The following PPP1R14C variants were observed in gnomAD, a reference collection of about 807,000 sequenced individuals.
The protein encoded by PPP1R14C is protein phosphatase 1 regulatory inhibitor subunit 14C.
A neutral mutation model predicts 20.4 loss-of-function variants in PPP1R14C; 16 were observed. The ratio of observed to expected loss-of-function variants is 0.78; its 90% CI spans 0.53 to 1.19. The LOEUF is 1.19. PPP1R14C is among the 50% of genes most tolerant of loss of function. The pLI, the probability that PPP1R14C is intolerant of heterozygous loss-of-function variation, is 0.00. For synonymous variants in PPP1R14C, 91 were observed against 91.0 expected, an observed-to-expected ratio of 1.00 and a Z score of 0.00; for missense variants, 211 against 220.1, an observed-to-expected ratio of 0.96 and a Z score of 0.26.
At chr6:150,224,774 C>G (rs1778212071) in intron 3 of PPP1R14C, among the ~76,000 whole-genome samples, 1 of 152,178 alleles carries the variant, frequency 6.6e-6, no homozygotes, top group Non-Finnish European at 1.5e-5. Flanking sequence ...AATGCTTGCT[C>G]TGTCTCTTCA....
intron 1 of PPP1R14C, among the ~76,000 whole-genome samples, chr6:150,167,973 T>TCCTTCTCTCCTCCCCCTTTCTCC (rs1777446319): frequency 6.0e-4 from 17 of 28,202 alleles, no homozygotes; most frequent in East Asian, 1.2e-3. Context: ...CCTCTTTCTC[T>TCCTTCTCTCCTCCCCCTTTCTCC]CCTTCTCTCC....
chr6:150,199,433 A>C (rs771801402), intron 1 of PPP1R14C, among the ~76,000 whole-genome samples: 1 of 152,098 alleles, frequency 6.6e-6, no homozygotes, highest in Non-Finnish European at 1.5e-5. Flanking sequence ...GCAGCATTCC[A>C]TTTCACCTTC....
At chr6:150,187,528 C>A (rs895826714) in intron 1 of PPP1R14C, among the ~76,000 whole-genome samples, 2 of 152,032 alleles carry the variant, frequency 1.3e-5, no homozygotes, top group African/African-American at 4.8e-5. Flanking sequence ...TTAGCTTCTA[C>A]TTTTGGGAAT....
At chr6:150,248,029 G>A (rs558813708) in intron 3 of PPP1R14C, among the ~76,000 whole-genome samples, 17 of 152,248 alleles carry the variant, frequency 1.1e-4, no homozygotes, top group Admixed American at 3.3e-4. Context: ...TTTTTGCTGC[G>A]TCATGTCATG....
intron 1 of PPP1R14C, among the ~76,000 whole-genome samples, chr6:150,157,726 G>A (rs1246502044): frequency 6.6e-6 from 1 of 152,130 alleles, no homozygotes; most frequent in Non-Finnish European, 1.5e-5. Flanking sequence ...AACAGACCCT[G>A]CCCTGGAGGG....
intron 3 of PPP1R14C, among the ~76,000 whole-genome samples, chr6:150,226,905 C>T (rs1483715191): frequency 6.6e-6 from 1 of 152,084 alleles, no homozygotes; most frequent in Non-Finnish European, 1.5e-5. Context: ...ACCAGAAAGC[C>T]ATGTGTGATC....
At chr6:150,194,870 A>C (rs1429369973) in intron 1 of PPP1R14C, 1 of 985,276 alleles carries the variant, frequency 1.0e-6, no homozygotes, top group Admixed American at 6.1e-5. Flanking sequence ...TGTTGAATAC[A>C]ATTATTGACA....
At chr6:150,195,256 GT>G in intron 1 of PPP1R14C, 2 of 718,728 alleles carry the variant, frequency 2.8e-6, no homozygotes, top group Non-Finnish European at 3.4e-6. Flanking sequence ...TGGATACCAT[GT>G]TATACATGGG....
chr6:150,211,412 C>A (rs1330161730), intron 1 of PPP1R14C, among the ~76,000 whole-genome samples: 1 of 152,170 alleles, frequency 6.6e-6, no homozygotes, highest in South Asian at 2.1e-4. Context: ...GCTGTGAAGA[C>A]AGTTGTTTCA....
intron 3 of PPP1R14C, among the ~76,000 whole-genome samples, chr6:150,242,794 A>G (rs1778447933): frequency 1.3e-5 from 2 of 152,198 alleles, no homozygotes; most frequent in African/African-American, 4.8e-5. Context: ...CTGTGTAGAA[A>G]ATTCAATAGA....
intron 1 of PPP1R14C, among the ~76,000 whole-genome samples, chr6:150,197,098 C>T (rs568418137): frequency 2.6e-5 from 4 of 152,294 alleles, no homozygotes; most frequent in South Asian, 2.1e-4. Flanking sequence ...CTATAGATCC[C>T]GAGTTTGGGA....
chr6:150,231,371 A>G (rs1177830187), intron 3 of PPP1R14C, among the ~76,000 whole-genome samples: 1 of 152,056 alleles, frequency 6.6e-6, no homozygotes, highest in Non-Finnish European at 1.5e-5. Flanking sequence ...CCCTTCCCCT[A>G]ATGCTCTGTG....
chr6:150,162,285 C>G (rs1310171296), intron 1 of PPP1R14C, among the ~76,000 whole-genome samples: 1 of 152,200 alleles, frequency 6.6e-6, no homozygotes, highest in African/African-American at 2.4e-5. Flanking sequence ...GAACTCCTGA[C>G]CTCAGGTGAT....
chr6:150,186,947 T>C lies in PPP1R14C; in HGVS notation c.307-27797T>C, dbSNP rs761948481. Among the ~76,000 whole-genome samples the C allele has an allele frequency of 6.6e-4, 101 of 152,198 alleles. 2 individuals carry two copies. The highest frequency in any genetic ancestry group is 3.7e-3 in the Admixed American group (56 of 15,284). ...AAGCAGTGGTGTGGGGTGGTCAGGT[T>C]TGACTTTTCTTTTAAGTTATGCTTG... On this transcript the variant is annotated intron_variant, in intron 1 of 3. Transcript: ENST00000361131.
chr6:150,221,674 T>C (rs1163457439), intron 3 of PPP1R14C, among the ~76,000 whole-genome samples: 1 of 152,226 alleles, frequency 6.6e-6, no homozygotes, highest in African/African-American at 2.4e-5. Context: ...ACTAACTGTG[T>C]GACTTCAAGC....
intron 3 of PPP1R14C, among the ~76,000 whole-genome samples, chr6:150,236,218 C>T (rs547367899): frequency 1.3e-5 from 2 of 152,136 alleles, no homozygotes; most frequent in East Asian, 3.9e-4. Flanking sequence ...TTGTAATGAT[C>T]AAATGAGACA....
intron 3 of PPP1R14C, among the ~76,000 whole-genome samples, chr6:150,237,248 G>C (rs988515221): frequency 3.5e-4 from 53 of 152,088 alleles, no homozygotes; most frequent in African/African-American, 1.2e-3. Context: ...CTGTTACCCA[G>C]GCTGGAGTGC....
intron 1 of PPP1R14C, among the ~76,000 whole-genome samples, chr6:150,152,559 C>T (rs1044338140): frequency 2.0e-5 from 3 of 152,118 alleles, no homozygotes; most frequent in Non-Finnish European, 4.4e-5. Context: ...TCAGCAGGAG[C>T]CCCTCTGCCA....
chr6:150,188,509 C>T (rs952415031), intron 1 of PPP1R14C, among the ~76,000 whole-genome samples: 7 of 98,734 alleles, frequency 7.1e-5, no homozygotes, highest in Admixed American at 1.4e-4. Flanking sequence ...TTTTTTGAGA[C>T]GGAGTCTCGC....
Sources: gnomAD v4.1 joint callset for allele counts (sites outside exome capture counted in the v4.1 genomes callset) on GRCh38, gnomAD v4.1.1 for gene constraint, MANE v1.5 for transcripts, NCBI Gene and HGNC (gene_info 2026-07-23, HGNC 2026-07-21) for gene names.